LARS2: variants seen among roughly 807,000 people sequenced by gnomAD.
LARS2 encodes the protein leucyl-tRNA synthetase 2, mitochondrial.
A neutral mutation model predicts 116.6 loss-of-function variants in LARS2; 81 were observed. The ratio of observed to expected loss-of-function variants is 0.69; its 90% CI spans 0.58 to 0.84. The LOEUF is 0.84. LARS2 is among the 40% of genes least tolerant of loss of function. The pLI is 0.00. For synonymous variants in LARS2, 396 were observed against 407.2 expected (o/e 0.97, Z 0.33); for missense variants, 968 against 1,114.5 (o/e 0.87, Z 1.87).
chr3:45,491,845 A>G (rs748476802), intron 13 of LARS2, 45 bp downstream of exon 13: 12 of 1,572,772 alleles, frequency 7.6e-6, no homozygotes, highest in Non-Finnish European at 9.5e-6. Flanking sequence ...CTATGGCCCC[A>G]TACCTGCTAG....
At chr3:45,428,710 C>T (rs1175975589) in intron 6 of LARS2, among the ~76,000 whole-genome samples, 2 of 152,206 alleles carry the variant, frequency 1.3e-5, no homozygotes, top group East Asian at 3.8e-4. Flanking sequence ...CTAGCTTTAA[C>T]TCAACACTTT....
In LARS2 at chr3:45,488,665, G is replaced by A. The variant is rs139635763; in HGVS notation, c.1124-32G>A. 877 of 1,367,176 alleles carry A rather than the reference G, an allele frequency of 6.4e-4. 5 individuals carry two copies. In the African/African-American group the frequency reaches 0.01, roughly 16 times the overall value. The allele number at this position is 1,367,176 out of a possible 1,614,324, so 84.7% of individuals were successfully genotyped here. A position where few individuals can be genotyped will look rare whatever the true frequency, so the allele number is the denominator to read the frequency against. On this transcript the variant is annotated intron_variant, in intron 11 of 21. Coordinates refer to ENST00000645846, the MANE Select transcript of LARS2 (RefSeq NM_015340.4). Reference sequence around the variant, plus strand: ...GTTTTGTGATTTGGGCACTTGTGAAGGAAATGTTTTCTTTTCTTCTCCTCT... The same window carrying A: ...GTTTTGTGATTTGGGCACTTGTGAAAGAAATGTTTTCTTTTCTTCTCCTCT...
chr3:45,490,251 C>T (rs1699891998), intron 12 of LARS2, among the ~76,000 whole-genome samples: 1 of 152,120 alleles, frequency 6.6e-6, no homozygotes, highest in Admixed American at 6.5e-5. Flanking sequence ...TAACCCTCTA[C>T]AGGGCAAGAA....
chr3:45,438,045 G>T (rs556954477), intron 6 of LARS2, among the ~76,000 whole-genome samples: 1 of 152,088 alleles, frequency 6.6e-6, no homozygotes, highest in African/African-American at 2.4e-5. Flanking sequence ...AAATTCAGAG[G>T]TCAAGCCCAC....
chr3:45,412,089 C>G (rs1426627442), intron 4 of LARS2, among the ~76,000 whole-genome samples: 1 of 152,062 alleles, frequency 6.6e-6, no homozygotes, highest in African/African-American at 2.4e-5. Context: ...TCCAGTCTAC[C>G]ATTGATGGTC....
At chr3:45,542,226 G>A (rs1273694668) in intron 21 of LARS2, among the ~76,000 whole-genome samples, 1 of 152,160 alleles carries the variant, frequency 6.6e-6, no homozygotes, top group South Asian at 2.1e-4. Flanking sequence ...AACCTGGCCC[G>A]CCTTACAGGT....
At chr3:45,510,298 C>T (rs1382469743) in intron 15 of LARS2, among the ~76,000 whole-genome samples, 1 of 151,988 alleles carries the variant, frequency 6.6e-6, no homozygotes, top group Non-Finnish European at 1.5e-5. Context: ...CCTGTGGTCC[C>T]AGCTGCTTGC....
chr3:45,465,054 T>C (rs1239388162), intron 8 of LARS2, among the ~76,000 whole-genome samples: 1 of 152,028 alleles, frequency 6.6e-6, no homozygotes, highest in Non-Finnish European at 1.5e-5. Flanking sequence ...TGGACCCCTA[T>C]TCTCAGACCA....
At chr3:45,411,351 T>TTA (rs1198641627) in intron 4 of LARS2, among the ~76,000 whole-genome samples, 1 of 152,214 alleles carries the variant, frequency 6.6e-6, no homozygotes, top group African/African-American at 2.4e-5. Context: ...GCACCCGAGG[T>TTA]TGATCAAAGG....
Position 45,394,644 on chromosome 3 carries a change from A to G in LARS2, c.191A>G (p.His64Arg). Residue 64 changes from histidine (H) to arginine (R), a missense_variant, in exon 3 of 22, where the codon CAT becomes CGT. Transcript: ENST00000645846. Reference protein sequence around the residue: ...QTRKDVEKWWHQRIKEQASKI... With the variant: ...QTRKDVEKWWRQRIKEQASKI... ...AGAAAGGATGTTGAGAAATGGTGGC[A>G]TCAACGAATAAAAGAACAGGCCTCC... The G allele has an allele frequency of 6.2e-7, 1 of 1,614,218 alleles. No homozygotes were observed. The highest frequency in any genetic ancestry group is 1.3e-5 in the African/African-American group (1 of 75,062).
At chr3:45,423,237 A>AT (rs1200022552) in intron 6 of LARS2, among the ~76,000 whole-genome samples, 1 of 152,084 alleles carries the variant, frequency 6.6e-6, no homozygotes. Context: ...TTCTAAATCT[A>AT]TTTTCCAGGG....
At chr3:45,525,432 A>G (rs1700518015) in intron 20 of LARS2, among the ~76,000 whole-genome samples, 1 of 152,200 alleles carries the variant, frequency 6.6e-6, no homozygotes. Flanking sequence ...TTTAAGCATC[A>G]ACCAAAAAAG....
In LARS2 at chr3:45,458,808, C is replaced by T. The variant is rs761154558; in HGVS notation, c.672C>T (p.Gly224=). The T allele has an allele frequency of 6.2e-7, 1 of 1,613,450 alleles. No homozygotes were observed. The highest frequency in any genetic ancestry group is 2.2e-5 in the East Asian group (1 of 44,886). The part of the protein sequence containing the change: ...VLANEQVDEH[G]CSWRSGAKVE... ...CCAATGAGCAGGTGGATGAACATGG[C>T]TGTTCATGGCGTTCTGGAGCAAAGG... Residue 224 remains glycine (G), a synonymous_variant, in exon 8 of 22, where the codon GGC becomes GGT. Transcript: ENST00000645846.
At chr3:45,485,827 G>C in intron 11 of LARS2, 31 bp downstream of exon 11, 1 of 1,379,932 alleles carries the variant, frequency 7.2e-7, no homozygotes, top group Non-Finnish European at 1.0e-6. Flanking sequence ...AACCACAACG[G>C]TATATTTTGC....
chr3:45,542,627 A>G (rs1187837004), intron 21 of LARS2, among the ~76,000 whole-genome samples: 2 of 152,214 alleles, frequency 1.3e-5, no homozygotes, highest in African/African-American at 2.4e-5. Context: ...GGAACCACAC[A>G]TGGGGCCAGG....
chr3:45,459,986 CTGT>C (rs1210131192), intron 8 of LARS2, among the ~76,000 whole-genome samples: 11 of 152,192 alleles, frequency 7.2e-5, no homozygotes, highest in Admixed American at 7.2e-4. Context: ...AGATCCAATA[CTGT>C]TGTTCTTACA....
At chr3:45,484,616 A>ATATATAT (rs1381915093) in intron 10 of LARS2, among the ~76,000 whole-genome samples, 3 of 13,620 alleles carry the variant, frequency 2.2e-4, no homozygotes, top group Non-Finnish European at 2.9e-4. Context: ...AAAAAAAAAA[A>ATATATAT]AAAAAAAAAA....
chr3:45,539,371 C>T (rs1379809281), intron 20 of LARS2, among the ~76,000 whole-genome samples: 1 of 152,208 alleles, frequency 6.6e-6, no homozygotes, highest in Non-Finnish European at 1.5e-5. Flanking sequence ...TGGCTTATGC[C>T]TGTAATCCCA....
Position 45,485,695 on chromosome 3 carries a change from G to T in LARS2, c.1022G>T (p.Cys341Phe), listed in dbSNP as rs1229330641. The T allele has an allele frequency of 6.3e-7, 1 of 1,585,192 alleles. No homozygotes were observed. The highest frequency in any genetic ancestry group is 2.3e-5 in the East Asian group (1 of 44,156). The change falls in exon 11 of 22, where the codon TGC becomes TTC. Residue 341 changes from cysteine to phenylalanine, a missense_variant. By Grantham distance (205) the Cys-to-Phe change is radical. Coordinates refer to ENST00000645846, the MANE Select transcript of LARS2 (RefSeq NM_015340.4). ...LRMALVPGKD[C>F]LTPVMAVNML... is the part of the protein sequence containing the mutation. Reference sequence around the variant, plus strand: ...AGTTATTTGCTCTCATTTTCAGATTGCCTCACGCCTGTAATGGCTGTGAAC... The same window carrying T: ...AGTTATTTGCTCTCATTTTCAGATTTCCTCACGCCTGTAATGGCTGTGAAC...
Sources: gnomAD v4.1 joint callset for allele counts (sites outside exome capture counted in the v4.1 genomes callset) on GRCh38, gnomAD v4.1.1 for gene constraint, MANE v1.5 for transcripts, NCBI Gene and HGNC (gene_info 2026-07-23, HGNC 2026-07-21) for gene names.